ATP11A: variants seen among roughly 807,000 people sequenced by gnomAD.
ATP11A encodes the protein ATPase phospholipid transporting 11A.
A neutral mutation model predicts 154.4 loss-of-function variants in ATP11A; 81 were observed. The ratio of observed to expected loss-of-function variants is 0.52; its 90% confidence interval spans 0.44 to 0.63. The LOEUF is 0.63. Among genes scored for constraint, ATP11A ranks in the 30% least tolerant of loss-of-function variants. The pLI is 0.00. For missense variants in ATP11A, 1,316 were observed against 1,474.3 expected (o/e 0.89, Z 1.76); for synonymous variants, 623 against 585.9 (o/e 1.06, Z -0.91).
At chr13:112,873,260 G>T (rs113064151) in intron 26 of ATP11A, among the ~76,000 whole-genome samples, 2,080 of 59,538 alleles carry the variant, frequency 0.035, no homozygotes, top group Middle Eastern at 0.06. Context: ...TGTGAGGTGT[G>T]GCTTTGTCTT....
At chr13:112,793,492 C>A (rs961722221) in intron 2 of ATP11A, among the ~76,000 whole-genome samples, 2 of 152,190 alleles carry the variant, frequency 1.3e-5, no homozygotes, top group Non-Finnish European at 2.9e-5. Context: ...CGTGAGTCGC[C>A]GCGCCCATCC....
intron 1 of ATP11A, among the ~76,000 whole-genome samples, chr13:112,707,978 C>T (rs577126078): frequency 3.1e-4 from 47 of 152,334 alleles, no homozygotes; most frequent in African/African-American, 1.0e-3. Context: ...AAAACTACAA[C>T]GCCTGCAGCC....
At chr13:112,836,318 A>C (rs534737577) in intron 16 of ATP11A, 67 bp downstream of exon 16, 3 of 933,716 alleles carry the variant, frequency 3.2e-6, no homozygotes, top group Non-Finnish European at 3.3e-6. Flanking sequence ...CTGATGACTA[A>C]ATTCTACAGG....
chr13:112,815,044 G>A lies in ATP11A; in HGVS notation c.442-1039G>A, dbSNP rs139809608. On this transcript the variant is annotated intron_variant, in intron 5 of 29. Transcript: ENST00000375645. ...GTTTGCAGTGTAGACAGAAGCAGGT[G>A]ACGCCCTGATCCTGGCATGCCTCCC... 1.8e-3 allele frequency among the ~76,000 whole-genome samples: 268 copies of A among 152,356 alleles called. 3 individuals are homozygous for A. Among genetic ancestry groups the A allele is most frequent in the African/African-American group, 6.1e-3 (254 of 41,576 alleles).
chr13:112,856,292 G>A (rs1277976918), intron 20 of ATP11A: 1 of 470,360 alleles, frequency 2.1e-6, no homozygotes, highest in African/African-American at 2.0e-5. Context: ...TGACCAGTCA[G>A]ATGTATGACC....
At chr13:112,781,184 C>T (rs544321621) in intron 1 of ATP11A, among the ~76,000 whole-genome samples, 1 of 152,198 alleles carries the variant, frequency 6.6e-6, no homozygotes, top group South Asian at 2.1e-4. Context: ...ACTACAGGCG[C>T]CCACATGCCC....
intron 27 of ATP11A, among the ~76,000 whole-genome samples, chr13:112,873,937 A>G (rs2080631137): frequency 6.6e-6 from 1 of 152,146 alleles, no homozygotes; most frequent in African/African-American, 2.4e-5. Context: ...ATACGGAGGA[A>G]CAGACCAGGA....
chr13:112,827,025 T>G (rs2078951495), intron 12 of ATP11A, 134 bp downstream of exon 12: 1 of 828,582 alleles, frequency 1.2e-6, no homozygotes, highest in East Asian at 2.7e-5. Context: ...CAGGGTTGTT[T>G]TGAACCCTAT....
intron 28 of ATP11A, 187 bp downstream of exon 28, chr13:112,876,128 C>T (rs1417913610): frequency 7.5e-6 from 4 of 533,678 alleles, no homozygotes; most frequent in Non-Finnish European, 1.2e-5. Context: ...TGACCGATGT[C>T]TAATTTTATG....
At chr13:112,729,030 T>G (rs1890205667) in intron 1 of ATP11A, among the ~76,000 whole-genome samples, 2 of 152,168 alleles carry the variant, frequency 1.3e-5, no homozygotes, top group Non-Finnish European at 2.9e-5. Context: ...GATGGTTAGT[T>G]TTTTAACACA....
rs181026088 is a variant in ATP11A, at chr13:112,717,829, C to G, written c.39+27374C>G. On this transcript the variant is annotated intron_variant, in intron 1 of 29. Coordinates refer to ENST00000375645, the MANE Select transcript of ATP11A (RefSeq NM_015205.3). ...CGGCGGCTCACGCCTGTAACCCCAGCACTTTGGGAGACCGAGGTGGGTGGA... is the reference window on the plus strand; with the variant it reads ...CGGCGGCTCACGCCTGTAACCCCAGGACTTTGGGAGACCGAGGTGGGTGGA... Among the ~76,000 whole-genome samples, 778 of 152,360 alleles carry G rather than the reference C, an allele frequency of 5.1e-3. 7 individuals carry two copies. Among genetic ancestry groups the G allele is most frequent in the East Asian group, 0.019 (99 of 5,190 alleles).
chr13:112,816,023 G>C lies in ATP11A; in HGVS notation c.442-60G>C. 1.9e-6 allele frequency: 3 copies of C among 1,607,918 alleles called. No individual in the cohort carries two copies. In the South Asian group the frequency reaches 3.3e-5, roughly 18 times the overall value. On this transcript the variant is annotated intron_variant, in intron 5 of 29. Coordinates refer to ENST00000375645, the MANE Select transcript of ATP11A (RefSeq NM_015205.3). ...CAGCTTGAGGGAAGCGGTCCCACAG[G>C]ACGGGCAAGCTTTCACGGAGGGGCT...
chr13:112,692,146 G>T (rs1885272035), intron 1 of ATP11A, among the ~76,000 whole-genome samples: 1 of 152,204 alleles, frequency 6.6e-6, no homozygotes. Flanking sequence ...GTTCTCAGTT[G>T]TGTCGCTCAG....
intron 1 of ATP11A, among the ~76,000 whole-genome samples, chr13:112,782,312 A>G: frequency 6.6e-6 from 1 of 152,156 alleles, no homozygotes; most frequent in African/African-American, 2.4e-5. Flanking sequence ...GGAAGCGTTC[A>G]GCTTTCCAAA....
chr13:112,830,025 GT>G (rs2079044605), intron 12 of ATP11A, among the ~76,000 whole-genome samples: 2 of 152,198 alleles, frequency 1.3e-5, no homozygotes, highest in African/African-American at 4.8e-5. Flanking sequence ...TTAAGCTTTT[GT>G]TTCCACGTTC....
rs540365363 is a variant in ATP11A, at chr13:112,860,151, T to C, written c.2728-136T>C. On this transcript the variant is annotated intron_variant, in intron 23 of 29. Transcript: ENST00000375645. ...AAATCACAGTTGATATCACAGACCC[T>C]AGTTTATATTGTTAAGCTTTGAAAA... The C allele has an allele frequency of 4.3e-4, 401 of 943,430 alleles. 2 individuals carry two copies. The African/African-American group carries it at 5.9e-3, about 14-fold the overall frequency. 58.4% of individuals were successfully genotyped at this position (943,430 alleles called of 1,614,324 possible). A position where few individuals can be genotyped will look rare whatever the true frequency, so the allele number is the denominator to read the frequency against.
rs568884695 is a variant in ATP11A, at chr13:112,806,403, A to G, written c.333+110A>G. 2.6e-4 allele frequency: 208 copies of G among 790,474 alleles called. 1 individual carries two copies. In the Middle Eastern group the frequency reaches 7.6e-3, roughly 29 times the overall value. 49.0% of individuals were successfully genotyped at this position (790,474 alleles called of 1,614,324 possible). A position where few individuals can be genotyped will look rare whatever the true frequency, so the allele number is the denominator to read the frequency against. Reference sequence around the variant, plus strand: ...TTGTAGCTAGTTCACAGAAAATTCAACCAAGTTCTAGAAATTCATTTTTAT... The same window carrying G: ...TTGTAGCTAGTTCACAGAAAATTCAGCCAAGTTCTAGAAATTCATTTTTAT... On this transcript the variant is annotated intron_variant, in intron 4 of 29. Coordinates refer to ENST00000375645, the MANE Select transcript of ATP11A (RefSeq NM_015205.3).
At chr13:112,829,895 A>G (rs767195346) in intron 12 of ATP11A, among the ~76,000 whole-genome samples, 1 of 152,364 alleles carries the variant, frequency 6.6e-6, no homozygotes, top group South Asian at 2.1e-4. Context: ...TATACCAGAC[A>G]AGAAACTATT....
chr13:112,764,794 G>A (rs1388790977), intron 1 of ATP11A, among the ~76,000 whole-genome samples: 1 of 152,188 alleles, frequency 6.6e-6, no homozygotes. Flanking sequence ...GAGGTGAATG[G>A]GACCCAGGCA....
Sources: allele counts gnomAD v4.1 joint callset (sites outside exome capture counted in the v4.1 genomes callset), GRCh38; gene constraint gnomAD v4.1.1; transcripts MANE v1.5; gene names NCBI Gene and HGNC (gene_info 2026-07-23, HGNC 2026-07-21).